The following TARS3 variants were observed in gnomAD, a reference collection of about 807,000 sequenced individuals.
TARS3 encodes the protein threonyl-tRNA synthetase 3.
In TARS3, 94 loss-of-function variants were observed where a neutral mutation model predicts 103.5. That is an observed-to-expected ratio of 0.91 (90% confidence interval 0.77 to 1.08). The LOEUF is 1.08. Among genes scored for constraint, TARS3 ranks in the 50% least tolerant of loss-of-function variants. The pLI, the probability that TARS3 is intolerant of heterozygous loss-of-function variation, is 0.00. For missense variants in TARS3, 952 were observed against 995.2 expected (o/e 0.96, Z 0.58); for synonymous variants, 416 against 355.4 (o/e 1.17, Z -1.92).
intron 1 of TARS3, 121 bp downstream of exon 1, chr15:101,723,970 A>C: frequency 3.2e-6 from 3 of 942,848 alleles, no homozygotes; most frequent in Non-Finnish European, 4.3e-6. Flanking sequence ...GCCGCAGGGC[A>C]CTGGGAGGGC....
At chr15:101,672,435 T>C (rs1022303182) in intron 13 of TARS3, among the ~76,000 whole-genome samples, 3 of 152,218 alleles carry the variant, frequency 2.0e-5, no homozygotes, top group Non-Finnish European at 4.4e-5. Context: ...TGGGCATTCC[T>C]GAGTCCTTGG....
At chr15:101,722,835 A>G (rs934062279) in intron 2 of TARS3, among the ~76,000 whole-genome samples, 1 of 151,636 alleles carries the variant, frequency 6.6e-6, no homozygotes, top group Non-Finnish European at 1.5e-5. Context: ...ACAAAAAAAA[A>G]CCAACCAAAC....
At chr15:101,661,390 C>T (rs1194972110) in intron 16 of TARS3, among the ~76,000 whole-genome samples, 1 of 150,660 alleles carries the variant, frequency 6.6e-6, no homozygotes, top group Non-Finnish European at 1.5e-5. Context: ...TTCAGGACAG[C>T]AACTAGATCT....
At position 101,714,959 on chromosome 15, in the gene TARS3, CCTGA is replaced by C. The variant is rs879024907; in HGVS notation, c.567_570del (p.Ser189ArgfsTer8). ...GCTATTACCGTGCTTTCAGCCAGTT[CCTGA>C]CTAAGAAGACAAAAGCCACTTGGGA... On this transcript the variant is annotated frameshift_variant and splice_region_variant, in exon 4 of 19. Coordinates refer to ENST00000335968, the MANE Select transcript of TARS3 (RefSeq NM_152334.3). LOFTEE classifies it high-confidence loss of function. The C allele has an allele frequency of 1.9e-6, 3 of 1,607,824 alleles. No homozygotes were observed. The highest frequency in any genetic ancestry group is 2.5e-6 in the Non-Finnish European group (3 of 1,176,784).
intron 15 of TARS3, among the ~76,000 whole-genome samples, chr15:101,666,823 T>C (rs1353140691): frequency 6.6e-6 from 1 of 152,154 alleles, no homozygotes; most frequent in Non-Finnish European, 1.5e-5. Context: ...TGGTAAATAT[T>C]TGGTAAATAT....
chr15:101,674,211 G>A (rs2141394307), intron 13 of TARS3, among the ~76,000 whole-genome samples: 1 of 152,280 alleles, frequency 6.6e-6, no homozygotes, highest in South Asian at 2.1e-4. Context: ...CAACTATGCA[G>A]TATCACAGTG....
At chr15:101,684,778 CT>C (rs1325170110) in intron 11 of TARS3, among the ~76,000 whole-genome samples, 1 of 152,236 alleles carries the variant, frequency 6.6e-6, no homozygotes, top group Non-Finnish European at 1.5e-5. Context: ...TGAAAGACTT[CT>C]CTCCTGCAGA....
chr15:101,717,431 C>T (rs1283386878), intron 3 of TARS3, among the ~76,000 whole-genome samples: 1 of 152,184 alleles, frequency 6.6e-6, no homozygotes, highest in Non-Finnish European at 1.5e-5. Context: ...TTCATTTTTA[C>T]TGGCTGTCAT....
chr15:101,717,071 G>C (rs868730860), intron 3 of TARS3, among the ~76,000 whole-genome samples: 2 of 152,050 alleles, frequency 1.3e-5, no homozygotes, highest in Admixed American at 6.5e-5. Flanking sequence ...TGGCCAGGCT[G>C]GTCTCAAACT....
Position 101,721,184 on chromosome 15 carries a change from GC to G in TARS3, c.507del (p.Gln170LysfsTer28). ...SNIITVRVAD[G>X]QTVQGEVWKT... ...TTCCAGACTTCCCCTTGCACTGTTT[GC>G]CCATCAGCCACTCTTACTGTGATGA... On this transcript the variant is annotated frameshift_variant, in exon 3 of 19. Transcript: ENST00000335968. LOFTEE classifies it high-confidence loss of function. The G allele has an allele frequency of 6.2e-7, 1 of 1,612,752 alleles. No individual in the cohort carries two copies. The highest frequency in any genetic ancestry group is 8.5e-7 in the Non-Finnish European group (1 of 1,178,934).
chr15:101,721,122 T>TA lies in TARS3; in HGVS notation c.566+3_566+4insT. On this transcript the variant is annotated splice_donor_region_variant and intron_variant, in intron 3 of 18. Transcript: ENST00000335968. Reference sequence around the variant, plus strand: ...TTGAATATCTTTTCCACACTGCGGTTTACCTAATTTCAGCAGCCACTTGGT... The same window carrying TA: ...TTGAATATCTTTTCCACACTGCGGTTATACCTAATTTCAGCAGCCACTTGGT... The TA allele has an allele frequency of 6.3e-7, 1 of 1,593,386 alleles. No homozygotes were observed. Among genetic ancestry groups the TA allele is most frequent in the African/African-American group, 1.3e-5 (1 of 74,710 alleles).
intron 18 of TARS3, chr15:101,656,061 T>C (rs1370912078): frequency 7.8e-7 from 1 of 1,288,748 alleles, no homozygotes. Context: ...AAGAGAAGCA[T>C]AAAGAACCAG....
At chr15:101,719,423 T>C (rs938134901) in intron 3 of TARS3, among the ~76,000 whole-genome samples, 4 of 152,164 alleles carry the variant, frequency 2.6e-5, no homozygotes, top group African/African-American at 9.7e-5. Context: ...TGTCAGATGT[T>C]GAAAGAAGAG....
At chr15:101,662,672 C>T (rs911956275) in intron 15 of TARS3, among the ~76,000 whole-genome samples, 19 of 152,126 alleles carry the variant, frequency 1.2e-4, no homozygotes, top group African/African-American at 4.6e-4. Flanking sequence ...TGAGTCCATT[C>T]CTATGCAGGT....
At chr15:101,655,870 A>T (rs1159247420) in intron 18 of TARS3, 1 of 1,283,476 alleles carries the variant, frequency 7.8e-7, no homozygotes. Context: ...GGCATACCTG[A>T]TGAGCCAAGG....
chr15:101,717,601 G>C (rs1439628438), intron 3 of TARS3, among the ~76,000 whole-genome samples: 1 of 152,164 alleles, frequency 6.6e-6, no homozygotes, highest in Non-Finnish European at 1.5e-5. Context: ...TAAAACAGTG[G>C]AGGGCACTTC....
At chr15:101,691,095 C>T (rs1243484489) in intron 10 of TARS3, among the ~76,000 whole-genome samples, 5 of 151,730 alleles carry the variant, frequency 3.3e-5, no homozygotes, top group African/African-American at 4.8e-5. Flanking sequence ...CCCACCACCA[C>T]GCCTGGCTAA....
intron 15 of TARS3, among the ~76,000 whole-genome samples, chr15:101,669,143 A>G (rs1310721950): frequency 3.9e-5 from 6 of 152,240 alleles, no homozygotes; most frequent in Non-Finnish European, 8.8e-5. Context: ...AGACAGTGAT[A>G]TCGATAACCT....
intron 16 of TARS3, among the ~76,000 whole-genome samples, chr15:101,659,597 C>G (rs1284400998): frequency 1.3e-5 from 2 of 152,184 alleles, no homozygotes; most frequent in Admixed American, 6.5e-5. Context: ...CACCTCCTGT[C>G]TCCCTCTCCA....
Sources: allele counts gnomAD v4.1 joint callset (sites outside exome capture counted in the v4.1 genomes callset), GRCh38; gene constraint gnomAD v4.1.1; transcripts MANE v1.5; gene names NCBI Gene and HGNC (gene_info 2026-07-23, HGNC 2026-07-21).